Variants in NEK4 observed in about 807,000 individuals in gnomAD.
NEK4 encodes the protein serine/threonine-protein kinase Nek4.
Under a neutral mutation model 98.4 loss-of-function variants are expected in NEK4, and 86 were observed. The observed-to-expected ratio is 0.87, with a 90% CI of 0.73 to 1.05. The LOEUF is 1.05. NEK4 is among the 50% of genes least tolerant of loss of function. The pLI is 0.00. For missense variants in NEK4, 898 were observed against 950.3 expected (o/e 0.94, Z 0.72); for synonymous variants, 328 against 342.2 (o/e 0.96, Z 0.46).
At position 52,768,585 on chromosome 3, in the gene NEK4, T is replaced by C; in HGVS notation, c.113A>G (p.Asn38Ser). Reference protein sequence around the residue: ...DGKQYVIKKLNLRNASSRERR... With the variant: ...DGKQYVIKKLSLRNASSRERR... ...CTCTCGGCTAGAGGCATTTCGGAGG[T>C]TCAGTTTTTTGATGACATACTAAAA... Residue 38 changes from asparagine (N) to serine (S), a missense_variant, in exon 2 of 16, where the codon AAC becomes AGC. Physicochemically the swap from Asn to Ser is conservative, Grantham distance 46. Transcript: ENST00000233027. 6.2e-7 allele frequency: 1 copy of C among 1,614,030 alleles called. No individual in the cohort carries two copies. The highest frequency in any genetic ancestry group is 8.5e-7 in the Non-Finnish European group (1 of 1,179,938).
Position 52,708,900 on chromosome 3 carries a change from T to C in NEK4, c.*2877A>G, listed in dbSNP as rs1363868918. On this transcript the variant is annotated 3_prime_UTR_variant, in exon 16 of 16. Transcript: ENST00000233027. ...AAACCGAAATCAGAATTACTGACAC[T>C]TTAGGCCAGGCATGGTGCCTCAAGC... is the stretch of plus-strand genomic sequence containing the variant. 1 of 152,154 alleles carries C rather than the reference T, an allele frequency of 6.6e-6. No homozygotes were observed. The highest frequency in any genetic ancestry group is 1.5e-5 in the Non-Finnish European group (1 of 68,028). The allele number at this position is 152,154 out of a possible 1,614,324, so 9.4% of individuals were successfully genotyped here. A position where few individuals can be genotyped will look rare whatever the true frequency, so the allele number is the denominator to read the frequency against.
At chr3:52,745,997 A>C in intron 10 of NEK4, 64 bp downstream of exon 10, 1 of 1,428,502 alleles carries the variant, frequency 7.0e-7, no homozygotes, top group Non-Finnish European at 9.8e-7. Context: ...TGCTGGGATT[A>C]CATGCATGAT....
intron 8 of NEK4, among the ~76,000 whole-genome samples, chr3:52,748,800 A>G (rs1046139444): frequency 6.6e-6 from 1 of 152,220 alleles, no homozygotes. Context: ...TTAGATGCTC[A>G]GCCAGGCACA....
rs560443902 is a variant in NEK4 at position 52,768,580 on chromosome 3, G to A, written c.118C>T (p.Arg40Ter). The A allele has an allele frequency of 3.1e-5, 50 of 1,614,064 alleles. No individual in the cohort carries two copies. The highest frequency in any genetic ancestry group is 7.7e-5 in the South Asian group (7 of 91,068). ...KQYVIKKLNLRNASSRERRAA... is the reference protein window; with the variant it reads ...KQYVIKKLNL ...CGCCGCTCTCGGCTAGAGGCATTTC[G>A]GAGGTTCAGTTTTTTGATGACATAC... Residue 40 changes from arginine to a stop codon, truncating the protein, a stop_gained, in exon 2 of 16, where the codon CGA (arginine) becomes TGA (stop). Coordinates refer to ENST00000233027, the MANE Select transcript of NEK4 (RefSeq NM_003157.6). LOFTEE classifies it high-confidence loss of function.
intron 4 of NEK4, among the ~76,000 whole-genome samples, 162 bp from the exon 5 acceptor site, chr3:52,763,786 G>A (rs1559449573): frequency 6.6e-6 from 1 of 152,210 alleles, no homozygotes; most frequent in African/African-American, 2.4e-5. Flanking sequence ...CCAGTTGTAA[G>A]ATAACAAGTT....
intron 15 of NEK4, among the ~76,000 whole-genome samples, chr3:52,736,479 G>A (rs2097376113): frequency 6.6e-6 from 1 of 151,884 alleles, no homozygotes; most frequent in East Asian, 1.9e-4. Context: ...CCAGCTACTC[G>A]GGAGGCTGAG....
At chr3:52,720,561 A>G (rs1243374769) in intron 15 of NEK4, among the ~76,000 whole-genome samples, 1 of 152,230 alleles carries the variant, frequency 6.6e-6, no homozygotes, top group Non-Finnish European at 1.5e-5. Flanking sequence ...AACACCAATA[A>G]CATTCACAGC....
intron 15 of NEK4, among the ~76,000 whole-genome samples, chr3:52,716,552 C>T (rs570407356): frequency 6.6e-6 from 1 of 152,278 alleles, no homozygotes; most frequent in East Asian, 1.9e-4. Flanking sequence ...GACCAATCCA[C>T]TTTTTTTCTG....
intron 5 of NEK4, among the ~76,000 whole-genome samples, chr3:52,762,877 T>C (rs1300658810): frequency 6.6e-6 from 1 of 151,738 alleles, no homozygotes; most frequent in Non-Finnish European, 1.5e-5. Context: ...CAAGACTCCA[T>C]CTCAAAAAAA....
intron 15 of NEK4, among the ~76,000 whole-genome samples, chr3:52,725,277 T>C (rs913187439): frequency 1.3e-5 from 2 of 152,120 alleles, no homozygotes; most frequent in Admixed American, 6.5e-5. Context: ...TTTGGGAGGC[T>C]GAGGCGGGTG....
Position 52,763,549 on chromosome 3 carries a change from C to T in NEK4, c.742G>A (p.Glu248Lys). The T allele has an allele frequency of 6.2e-7, 1 of 1,614,094 alleles. No individual in the cohort carries two copies. Among genetic ancestry groups the T allele is most frequent in the Middle Eastern group, 1.7e-4 (1 of 6,060 alleles). The part of the protein sequence containing the change: ...IRTMLSKRPE[E>K]RPSVRSILRQ... ...AGGATGCTCCTCACAGACGGCCTTTCTTCAGGCCTTTTGCTCAGCATTGTT... is the reference window on the plus strand; with the variant it reads ...AGGATGCTCCTCACAGACGGCCTTTTTTCAGGCCTTTTGCTCAGCATTGTT... The change falls in exon 5 of 16, where the codon GAA (glutamate) becomes AAA (lysine). Residue 248 changes from glutamate (E) to lysine (K), a missense_variant. Coordinates refer to ENST00000233027, the MANE Select transcript of NEK4 (RefSeq NM_003157.6).
At chr3:52,767,795 T>A (rs1698631840) in intron 2 of NEK4, among the ~76,000 whole-genome samples, 1 of 152,176 alleles carries the variant, frequency 6.6e-6, no homozygotes, top group African/African-American at 2.4e-5. Context: ...GTCTACCCAG[T>A]TCCAAAATAG....
chr3:52,766,468 T>TA lies in NEK4; in HGVS notation c.361-94dup, dbSNP rs1698564024. ...ATATACCATCAGCAATGGCATGAGT[T>TA]AGAGTCTTTGACCGTAAAGAGTAAC... is the stretch of plus-strand genomic sequence containing the variant. On this transcript the variant is annotated intron_variant, in intron 2 of 15. Transcript: ENST00000233027. 4 of 894,002 alleles carry TA rather than the reference T, an allele frequency of 4.5e-6. No homozygotes were observed. The Admixed American group carries it at 8.5e-5, about 19-fold the overall frequency. 55.4% of individuals were successfully genotyped at this position (894,002 alleles called of 1,614,324 possible).
intron 15 of NEK4, among the ~76,000 whole-genome samples, chr3:52,735,367 G>C (rs917325198): frequency 6.6e-6 from 1 of 152,120 alleles, no homozygotes; most frequent in African/African-American, 2.4e-5. Context: ...GTAACAATTA[G>C]CATAGATAAA....
rs34986855 is a variant in NEK4 at position 52,746,189 on chromosome 3, A to G, written c.1699T>C (p.Phe567Leu). ...CCAACAATGGGATGAGAAGGCAAAA[A>G]TCGAGGAGGCGACTCTTGGAACTTA... ...LFAFQESPPR[F>L]LPSHPIVGKV... Residue 567 changes from phenylalanine to leucine, a missense_variant, in exon 10 of 16, where the codon TTT becomes CTT. Coordinates refer to ENST00000233027, the MANE Select transcript of NEK4 (RefSeq NM_003157.6). The G allele has an allele frequency of 0.031, 50,246 of 1,613,816 alleles. 845 individuals carry two copies. Among genetic ancestry groups the G allele is most frequent in the Non-Finnish European group, 0.036 (42,281 of 1,179,726 alleles).
chr3:52,770,617 C>T, intron 1 of NEK4, 37 bp downstream of exon 1: 3 of 1,444,396 alleles, frequency 2.1e-6, no homozygotes, highest in Middle Eastern at 2.0e-4. Context: ...GCACTTCTGC[C>T]CGCCCCCGCC....
intron 4 of NEK4, among the ~76,000 whole-genome samples, chr3:52,763,861 T>A (rs886935531): frequency 6.6e-6 from 1 of 152,218 alleles, no homozygotes; most frequent in Admixed American, 6.5e-5. Flanking sequence ...CATTCAGAAA[T>A]AAGAGTATGA....
intron 2 of NEK4, among the ~76,000 whole-genome samples, chr3:52,766,725 G>A (rs1471230768): frequency 6.6e-6 from 1 of 152,152 alleles, no homozygotes; most frequent in African/African-American, 2.4e-5. Flanking sequence ...AGTGGCTCAC[G>A]CCTGTAATCC....
At chr3:52,755,535 A>T (rs1358183652) in intron 6 of NEK4, among the ~76,000 whole-genome samples, 1 of 152,144 alleles carries the variant, frequency 6.6e-6, no homozygotes, top group Non-Finnish European at 1.5e-5. Context: ...AGAAAAAAAA[A>T]TTCATAACAT....
Sources: gnomAD v4.1 joint callset for allele counts (sites outside exome capture counted in the v4.1 genomes callset) on GRCh38, gnomAD v4.1.1 for gene constraint, MANE v1.5 for transcripts, NCBI Gene and HGNC (gene_info 2026-07-23, HGNC 2026-07-21) for gene names.